Variants in MDFIC2 observed in about 807,000 individuals in gnomAD.
MDFIC2 encodes the protein MyoD family inhibitor domain containing 2.
chr3:70,259,999 G>A (rs145251525), intron 2 of MDFIC2, among the ~76,000 whole-genome samples: 7 of 152,212 alleles, frequency 4.6e-5, no homozygotes, highest in African/African-American at 1.4e-4. Flanking sequence ...CGAGAACAGC[G>A]TGATCCAATT....
chr3:70,206,533 T>C, intron 3 of MDFIC2, 36 bp downstream of exon 3: 1 of 397,332 alleles, frequency 2.5e-6, no homozygotes, highest in Non-Finnish European at 4.4e-6. Flanking sequence ...GGTTGGGAGC[T>C]TTATTTAGAG....
chr3:70,250,851 G>A lies in MDFIC2; in HGVS notation c.89-44061C>T, dbSNP rs554162344. Among the ~76,000 whole-genome samples the A allele has an allele frequency of 5.7e-4, 87 of 152,176 alleles. 1 individual carries two copies. The highest frequency in any genetic ancestry group is 5.6e-3 in the South Asian group (27 of 4,818). On this transcript the variant is annotated intron_variant, in intron 2 of 3. Coordinates refer to ENST00000567252, the MANE Select transcript of MDFIC2 (RefSeq NM_001364677.1). ...CTTTTCAGGGAAAGCCAGGTTGAAT[G>A]GGCAGACTGTCAAATAGTAAGAAGG...
chr3:70,285,003 C>A (rs375349828), intron 2 of MDFIC2, among the ~76,000 whole-genome samples: 18 of 151,844 alleles, frequency 1.2e-4, no homozygotes, highest in East Asian at 5.8e-4. Flanking sequence ...CACTGCAGTT[C>A]CAAATTACCT....
chr3:70,217,386 A>G (rs1020961304), intron 2 of MDFIC2, among the ~76,000 whole-genome samples: 8 of 152,160 alleles, frequency 5.3e-5, no homozygotes, highest in African/African-American at 1.7e-4. Context: ...AAAAGGACCT[A>G]TTGAATTAAT....
chr3:70,309,076 G>T (rs1405724626), intron 2 of MDFIC2, among the ~76,000 whole-genome samples: 1 of 152,010 alleles, frequency 6.6e-6, no homozygotes, highest in Non-Finnish European at 1.5e-5. Context: ...TTTTTAAGGG[G>T]GAGTGAGGGA....
intron 2 of MDFIC2, among the ~76,000 whole-genome samples, chr3:70,208,738 C>G (rs1294491521): frequency 6.6e-6 from 1 of 152,070 alleles, no homozygotes; most frequent in Middle Eastern, 3.2e-3. Flanking sequence ...TTTCCAAAGA[C>G]TCCTAACTGG....
chr3:70,273,287 A>G (rs1701992057), intron 2 of MDFIC2, among the ~76,000 whole-genome samples: 1 of 152,134 alleles, frequency 6.6e-6, no homozygotes. Context: ...CGACTCAACA[A>G]TTTCTCTGAA....
intron 2 of MDFIC2, among the ~76,000 whole-genome samples, chr3:70,278,911 G>A (rs1177993685): frequency 4.5e-4 from 68 of 151,640 alleles, no homozygotes; most frequent in Non-Finnish European, 2.9e-5. Context: ...TGTTTGACAT[G>A]TATCTGGAGC....
Position 70,287,424 on chromosome 3 carries a change from G to C in MDFIC2, c.88+24462C>G, listed in dbSNP as rs1233802486. On this transcript the variant is annotated intron_variant, in intron 2 of 3. Transcript: ENST00000567252. ...GGATGAAGCCCACTTGATCATGGTG[G>C]ATAAACTTTTTGATGTGCTGCTGGA... Among the ~76,000 whole-genome samples the C allele has an allele frequency of 3.3e-5, 5 of 151,756 alleles. No homozygotes were observed. The East Asian group carries it at 9.7e-4, about 29-fold the overall frequency.
intron 2 of MDFIC2, among the ~76,000 whole-genome samples, chr3:70,244,668 G>A (rs1433823352): frequency 2.0e-5 from 3 of 152,136 alleles, no homozygotes; most frequent in Non-Finnish European, 4.4e-5. Context: ...TAGAATAATA[G>A]ACTCAAATTT....
chr3:70,231,004 G>C (rs1171717211), intron 2 of MDFIC2, among the ~76,000 whole-genome samples: 1 of 152,138 alleles, frequency 6.6e-6, no homozygotes, highest in African/African-American at 2.4e-5. Flanking sequence ...ACCCTCCAGG[G>C]CCTAGCAGCC....
chr3:70,282,697 C>T (rs751153780), intron 2 of MDFIC2, among the ~76,000 whole-genome samples: 14 of 152,170 alleles, frequency 9.2e-5, no homozygotes, highest in African/African-American at 2.4e-4. Flanking sequence ...AGGCCTTCCT[C>T]GACTACCTTG....
chr3:70,198,861 C>A (rs1347651368), intron 3 of MDFIC2, among the ~76,000 whole-genome samples: 1 of 152,128 alleles, frequency 6.6e-6, no homozygotes, highest in African/African-American at 2.4e-5. Flanking sequence ...TAAGTCACCA[C>A]AAACCTCCCA....
At chr3:70,248,424 C>T (rs1475987245) in intron 2 of MDFIC2, among the ~76,000 whole-genome samples, 2 of 151,986 alleles carry the variant, frequency 1.3e-5, no homozygotes, top group South Asian at 2.1e-4. Context: ...ATTAGAAGCA[C>T]ACTGGTTTGA....
At chr3:70,262,337 A>G (rs1392030265) in intron 2 of MDFIC2, among the ~76,000 whole-genome samples, 1 of 152,218 alleles carries the variant, frequency 6.6e-6, no homozygotes, top group African/African-American at 2.4e-5. Flanking sequence ...TGCATTGCTG[A>G]GCCTCACCAT....
intron 2 of MDFIC2, among the ~76,000 whole-genome samples, chr3:70,237,977 A>ATTTTTTTTTTTTTT (rs1251005797): frequency 8.5e-4 from 11 of 13,002 alleles, no homozygotes; most frequent in African/African-American, 5.4e-3. Flanking sequence ...ATTGAGTGGT[A>ATTTTTTTTTTTTTT]TCTTTTTTTT....
chr3:70,263,947 G>A (rs1418172238), intron 2 of MDFIC2, among the ~76,000 whole-genome samples: 1 of 152,100 alleles, frequency 6.6e-6, no homozygotes, highest in Non-Finnish European at 1.5e-5. Flanking sequence ...ATTATTTCTA[G>A]TTCTTTAGGT....
chr3:70,302,167 G>A (rs561812203), intron 2 of MDFIC2, among the ~76,000 whole-genome samples: 4 of 152,164 alleles, frequency 2.6e-5, no homozygotes, highest in South Asian at 2.1e-4. Flanking sequence ...TTTACTTCTC[G>A]ACAGGCTTAA....
At chr3:70,285,259 C>T (rs1702147767) in intron 2 of MDFIC2, among the ~76,000 whole-genome samples, 1 of 142,604 alleles carries the variant, frequency 7.0e-6, no homozygotes. Context: ...TTCCTGTGTC[C>T]ATGTGTTCTC....
Sources: allele counts gnomAD v4.1 joint callset (sites outside exome capture counted in the v4.1 genomes callset), GRCh38; gene constraint gnomAD v4.1.1; transcripts MANE v1.5; gene names NCBI Gene and HGNC (gene_info 2026-07-23, HGNC 2026-07-21).